TNIK: variants seen among roughly 807,000 people sequenced by gnomAD.
TNIK encodes TRAF2 and NCK-interacting protein kinase.
TNIK carries 49 observed loss-of-function variants against 191.3 expected under a neutral mutation model. That is an observed-to-expected ratio of 0.26 (90% CI 0.20 to 0.32). The LOEUF (loss-of-function observed/expected upper bound fraction) is 0.32, where lower values mean the gene tolerates loss of function less well. Among genes scored for constraint, TNIK ranks in the 10% least tolerant of loss-of-function variants. The pLI, the probability that TNIK is intolerant of heterozygous loss-of-function variation, is 1.00. For synonymous variants in TNIK, 594 were observed against 600.9 expected (o/e 0.99, Z 0.17); for missense variants, 1,155 against 1,702.3 (o/e 0.68, Z 5.66).
chr3:171,146,409 A>G (rs766815988), intron 12 of TNIK, among the ~76,000 whole-genome samples: 1 of 152,182 alleles, frequency 6.6e-6, no homozygotes, highest in African/African-American at 2.4e-5. Flanking sequence ...TTCCCATTAT[A>G]TGGACCCAAG....
intron 18 of TNIK, among the ~76,000 whole-genome samples, chr3:171,114,093 C>CTGTT (rs1209773144): frequency 6.4e-5 from 9 of 141,066 alleles, no homozygotes; most frequent in Non-Finnish European, 1.1e-4. Context: ...TTTTATTTTT[C>CTGTT]TGTTAGATTT....
chr3:171,141,715 G>T (rs969403099), intron 12 of TNIK, among the ~76,000 whole-genome samples: 1 of 152,186 alleles, frequency 6.6e-6, no homozygotes, highest in African/African-American at 2.4e-5. Context: ...ATACATCATG[G>T]CATTAGTGCA....
In TNIK at chr3:171,338,927, T is replaced by G. The variant is rs570381743; in HGVS notation, c.123+30693A>C. On this transcript the variant is annotated intron_variant, in intron 2 of 32. Transcript: ENST00000436636. The stretch of plus-strand genomic sequence containing the variant: ...GAATGGAAGAGCTAACGTTTGAATC[T>G]AGGACTGTCTGACTCTGCCCAAGCT... 3.3e-5 allele frequency among the ~76,000 whole-genome samples: 5 copies of G among 152,302 alleles called. No homozygotes were observed. In the East Asian group the frequency reaches 9.6e-4, roughly 29 times the overall value.
chr3:171,305,161 G>C lies in TNIK; in HGVS notation c.123+64459C>G, dbSNP rs1753319159. Among the ~76,000 whole-genome samples, 3 of 151,920 alleles carry C rather than the reference G, an allele frequency of 2.0e-5. No individual in the cohort carries two copies. In the South Asian group the frequency reaches 6.2e-4, roughly 32 times the overall value. On this transcript the variant is annotated intron_variant, in intron 2 of 32. Coordinates refer to ENST00000436636, the MANE Select transcript of TNIK (RefSeq NM_015028.4). ...CTAGATTAACAGCACTAGTCACTTA[G>C]AGAGCTAAAGCATAACCTGACTTTA... is the stretch of plus-strand genomic sequence containing the variant.
At chr3:171,266,979 G>C (rs1193081297) in intron 2 of TNIK, among the ~76,000 whole-genome samples, 1 of 152,152 alleles carries the variant, frequency 6.6e-6, no homozygotes, top group African/African-American at 2.4e-5. Context: ...CTCTTATAAT[G>C]AGAAGCCTAG....
intron 1 of TNIK, among the ~76,000 whole-genome samples, chr3:171,382,435 G>A (rs1370463885): frequency 1.3e-5 from 2 of 152,048 alleles, no homozygotes; most frequent in African/African-American, 4.8e-5. Flanking sequence ...TGGCCAGGCT[G>A]GTCTCAAACT....
At chr3:171,339,984 CAT>C (rs1161460462) in intron 2 of TNIK, among the ~76,000 whole-genome samples, 2 of 151,984 alleles carry the variant, frequency 1.3e-5, no homozygotes, top group African/African-American at 2.4e-5. Flanking sequence ...ATGAAAAATT[CAT>C]AGAGATTTAT....
At chr3:171,085,776 A>T (rs1474576707) in intron 24 of TNIK, among the ~76,000 whole-genome samples, 1 of 152,216 alleles carries the variant, frequency 6.6e-6, no homozygotes, top group Non-Finnish European at 1.5e-5. Context: ...GGATGATTTT[A>T]TGCTGGAATT....
intron 2 of TNIK, among the ~76,000 whole-genome samples, chr3:171,308,885 A>AG (rs1753736010): frequency 6.6e-6 from 1 of 152,212 alleles, no homozygotes; most frequent in African/African-American, 2.4e-5. Flanking sequence ...GTTATTAAAA[A>AG]GTCAAAAAAC....
rs748582341 is a variant in TNIK, at chr3:171,066,179, G to A, written c.3999+8C>T. 1.1e-5 allele frequency: 17 copies of A among 1,612,426 alleles called. No homozygotes were observed. In the East Asian group the frequency reaches 1.6e-4, roughly 15 times the overall value. The stretch of plus-strand genomic sequence containing the variant: ...CAAACACTAATGCAAATGTTGAAAC[G>A]GATTTACCTTATCATTTCTTTCACA... On this transcript the variant is annotated splice_region_variant and intron_variant, in intron 32 of 32. Coordinates refer to ENST00000436636, the MANE Select transcript of TNIK (RefSeq NM_015028.4).
intron 1 of TNIK, among the ~76,000 whole-genome samples, chr3:171,383,255 A>G (rs966048768): frequency 1.3e-5 from 2 of 152,226 alleles, no homozygotes; most frequent in East Asian, 1.9e-4. Context: ...CTACACCTAC[A>G]TGGCCTAAAC....
chr3:171,153,240 C>A (rs1423445374), intron 12 of TNIK, among the ~76,000 whole-genome samples: 1 of 152,108 alleles, frequency 6.6e-6, no homozygotes, highest in Non-Finnish European at 1.5e-5. Flanking sequence ...GTTCCTTCCA[C>A]TTCCTTATCA....
intron 2 of TNIK, among the ~76,000 whole-genome samples, chr3:171,308,611 A>C (rs1366976321): frequency 6.6e-6 from 1 of 152,128 alleles, no homozygotes; most frequent in East Asian, 1.9e-4. Context: ...AACTTTCAAG[A>C]AAGCAAACAA....
At chr3:171,435,687 T>C (rs1054965352) in intron 1 of TNIK, among the ~76,000 whole-genome samples, 5 of 152,250 alleles carry the variant, frequency 3.3e-5, no homozygotes, top group African/African-American at 1.2e-4. Flanking sequence ...GTTGTATTAA[T>C]AGACTTCCTA....
intron 2 of TNIK, among the ~76,000 whole-genome samples, chr3:171,352,516 T>G (rs1347041436): frequency 6.6e-6 from 1 of 152,234 alleles, no homozygotes; most frequent in East Asian, 1.9e-4. Context: ...TTTAATACTC[T>G]GCAAAGCCTC....
At chr3:171,356,031 T>G (rs1283373985) in intron 2 of TNIK, among the ~76,000 whole-genome samples, 6 of 152,160 alleles carry the variant, frequency 3.9e-5, no homozygotes, top group Non-Finnish European at 8.8e-5. Context: ...GTACAAATTA[T>G]ACACCTGGCA....
At chr3:171,446,455 C>T (rs1402206375) in intron 1 of TNIK, among the ~76,000 whole-genome samples, 2 of 152,114 alleles carry the variant, frequency 1.3e-5, no homozygotes, top group Non-Finnish European at 2.9e-5. Context: ...AATTTATAGG[C>T]ATTTTAAATG....
intron 7 of TNIK, among the ~76,000 whole-genome samples, chr3:171,186,136 C>T (rs1019988076): frequency 6.6e-6 from 1 of 152,136 alleles, no homozygotes; most frequent in Non-Finnish European, 1.5e-5. Flanking sequence ...TAAATATGCA[C>T]TGAGTGAATG....
At chr3:171,167,948 G>A (rs576381779) in intron 9 of TNIK, among the ~76,000 whole-genome samples, 39 of 152,222 alleles carry the variant, frequency 2.6e-4, no homozygotes, top group Non-Finnish European at 3.7e-4. Flanking sequence ...TACCTTTGTC[G>A]TTAACTCAAG....
Sources: gnomAD v4.1 joint callset for allele counts (sites outside exome capture counted in the v4.1 genomes callset) on GRCh38, gnomAD v4.1.1 for gene constraint, MANE v1.5 for transcripts, NCBI Gene and HGNC (gene_info 2026-07-23, HGNC 2026-07-21) for gene names.